NUP62: variants seen among roughly 807,000 people sequenced by gnomAD.
The protein encoded by NUP62 is nucleoporin 62.
For missense variants in NUP62, 647 were observed against 689.4 expected (o/e 0.94, Z 0.69); for synonymous variants, 305 against 303.4 (o/e 1.01, Z -0.05).
In NUP62 at chr19:49,921,696, C is replaced by G. The variant is rs1400522342; in HGVS notation, c.-78+5998G>C. 6.6e-6 allele frequency among the ~76,000 whole-genome samples: 1 copy of G among 152,162 alleles called. No homozygotes were observed. The highest frequency in any genetic ancestry group is 2.4e-5 in the African/African-American group (1 of 41,440). ...ACCCCTCTGCCCATTGAGGGGGCAC[C>G]TAGGGAGCCTAGGGGTCCCGTGAGG... is the stretch of plus-strand genomic sequence containing the variant. On this transcript the variant is annotated intron_variant, in intron 2 of 2. Transcript: ENST00000352066. The surrounding 1 kb of genome is among the most constrained non-coding windows in gnomAD (Gnocchi z 5.4).
At position 49,907,496 on chromosome 19, in the gene NUP62, A is replaced by G; in HGVS notation, c.*743T>C. 1 of 440,246 alleles carries G rather than the reference A, an allele frequency of 2.3e-6. No individual in the cohort carries two copies. Among genetic ancestry groups the G allele is most frequent in the Non-Finnish European group, 4.5e-6 (1 of 223,250 alleles). The allele number at this position is 440,246 out of a possible 1,614,324, so 27.3% of individuals were successfully genotyped here. ...AGCATGGTTAGCTTTCACAAGCACA[A>G]GCTCACACTCGAAAACTAGGCTGCT... On this transcript the variant is annotated 3_prime_UTR_variant, in exon 3 of 3. Transcript: ENST00000352066.
At chr19:49,913,486 C>T (rs1006098447) in intron 2 of NUP62, among the ~76,000 whole-genome samples, 1 of 152,182 alleles carries the variant, frequency 6.6e-6, no homozygotes, top group African/African-American at 2.4e-5. Flanking sequence ...AGTCAGCAGA[C>T]CTCAGTTCAG....
At chr19:49,924,894 C>T (rs1423733384) in intron 2 of NUP62, among the ~76,000 whole-genome samples, 1 of 152,172 alleles carries the variant, frequency 6.6e-6, no homozygotes, top group African/African-American at 2.4e-5. Flanking sequence ...AGTCCCTGCC[C>T]AGACACCTCT....
chr19:49,926,396 G>C (rs894672766), intron 2 of NUP62, among the ~76,000 whole-genome samples: 6 of 152,056 alleles, frequency 3.9e-5, no homozygotes, highest in African/African-American at 1.5e-4. Context: ...CAGGCGTGGT[G>C]GTGGGCGCCT....
chr19:49,914,726 GTTTTTTTTTTT>G (rs530372497), intron 2 of NUP62, among the ~76,000 whole-genome samples: 604 of 56,390 alleles, frequency 0.011, 6 homozygotes, highest in African/African-American at 0.027. Flanking sequence ...CCAAGTCCCA[GTTTTTTTTTTT>G]TTTTTTTTTT....
intron 1 of NUP62, chr19:49,928,461 G>A (rs1365380085): frequency 1.3e-5 from 2 of 151,562 alleles, no homozygotes; most frequent in African/African-American, 2.4e-5. Flanking sequence ...AGTTTGCAGT[G>A]AGCCGAGATC....
At chr19:49,923,886 T>G (rs540936151) in intron 2 of NUP62, among the ~76,000 whole-genome samples, 1 of 152,214 alleles carries the variant, frequency 6.6e-6, no homozygotes, top group Non-Finnish European at 1.5e-5. Context: ...GCTCGGCAGA[T>G]GAGGGCCCTG....
In NUP62 at chr19:49,907,292, TGGA is replaced by T. The variant is rs1465822522; in HGVS notation, c.*944_*946del. ...GCTTCGGGTAGCTGGGAAGGCTTCC[TGGA>T]GGAGGTGAGGCCCAAGGTGGGGGTG... On this transcript the variant is annotated 3_prime_UTR_variant, in exon 3 of 3. Transcript: ENST00000352066. 2 of 302,514 alleles carry T rather than the reference TGGA, an allele frequency of 6.6e-6. No individual in the cohort carries two copies. Among genetic ancestry groups the T allele is most frequent in the Admixed American group, 5.0e-5 (1 of 20,130 alleles). 18.7% of individuals were successfully genotyped at this position (302,514 alleles called of 1,614,324 possible). A position where few individuals can be genotyped will look rare whatever the true frequency, so the allele number is the denominator to read the frequency against.
intron 2 of NUP62, among the ~76,000 whole-genome samples, chr19:49,914,642 C>A (rs2075571387): frequency 6.6e-6 from 1 of 150,544 alleles, no homozygotes; most frequent in Non-Finnish European, 1.5e-5. Flanking sequence ...CTGTGAGAAC[C>A]AGGGTTCTTT....
At chr19:49,929,170 A>G (rs1152232) in intron 1 of NUP62, 156 bp downstream of exon 1, 32,062 of 147,710 alleles carry the variant, frequency 0.22, 3,516 homozygotes, top group Middle Eastern at 0.26. Flanking sequence ...TCCGCCACCC[A>G]GTATATATCT....
chr19:49,918,268 T>G (rs1386160503), intron 2 of NUP62, among the ~76,000 whole-genome samples: 1 of 152,154 alleles, frequency 6.6e-6, no homozygotes, highest in Non-Finnish European at 1.5e-5. Flanking sequence ...TCTCACTATG[T>G]TGCCCAGGCT....
chr19:49,925,197 G>C (rs999888891), intron 2 of NUP62, among the ~76,000 whole-genome samples: 1 of 152,078 alleles, frequency 6.6e-6, no homozygotes, highest in African/African-American at 2.4e-5. Context: ...GGAGGCAGAG[G>C]TTGCGGTGAG....
intron 2 of NUP62, among the ~76,000 whole-genome samples, chr19:49,913,808 G>A (rs576984728): frequency 2.1e-4 from 32 of 152,294 alleles, no homozygotes; most frequent in East Asian, 5.8e-4. Flanking sequence ...CGTGACAGGC[G>A]GGAGAATCTG....
chr19:49,927,865 C>G (rs1234638552), intron 1 of NUP62, 50 bp from the exon 2 acceptor site: 2 of 152,292 alleles, frequency 1.3e-5, no homozygotes, highest in African/African-American at 4.8e-5. Flanking sequence ...GAGGAGGGCC[C>G]AGTGCATGAG....
intron 2 of NUP62, among the ~76,000 whole-genome samples, chr19:49,918,130 A>T (rs991849153): frequency 1.3e-5 from 2 of 151,758 alleles, no homozygotes; most frequent in African/African-American, 4.8e-5. Flanking sequence ...GCAGTGGTAT[A>T]ATCACAGCTC....
intron 2 of NUP62, among the ~76,000 whole-genome samples, chr19:49,910,104 T>C (rs1020967799): frequency 4.7e-4 from 71 of 152,018 alleles, no homozygotes; most frequent in African/African-American, 1.5e-3. Context: ...TGCGTGGCCA[T>C]GTTCAGCCCA....
chr19:49,920,950 C>T (rs1364416717), intron 2 of NUP62, among the ~76,000 whole-genome samples: 3 of 152,110 alleles, frequency 2.0e-5, no homozygotes, highest in Admixed American at 6.5e-5. Flanking sequence ...GGGCCCAGGC[C>T]GGGCTGTGGT....
At chr19:49,916,070 A>G (rs1329459355) in intron 2 of NUP62, among the ~76,000 whole-genome samples, 3 of 152,240 alleles carry the variant, frequency 2.0e-5, no homozygotes, top group Admixed American at 2.0e-4. Context: ...AGAGCACTGC[A>G]CTGCAGCACA....
intron 2 of NUP62, among the ~76,000 whole-genome samples, chr19:49,926,275 A>G (rs2075886928): frequency 6.6e-6 from 1 of 151,430 alleles, no homozygotes; most frequent in African/African-American, 2.4e-5. Flanking sequence ...ATGCCTGTAA[A>G]TCCCAGCATT....
Sources: allele counts gnomAD v4.1 joint callset (sites outside exome capture counted in the v4.1 genomes callset), GRCh38; gene constraint gnomAD v4.1.1; non-coding constraint Gnocchi (gnomAD v3.1); transcripts MANE v1.5; gene names NCBI Gene and HGNC (gene_info 2026-07-23, HGNC 2026-07-21).